Variants in CDH12 observed in about 807,000 individuals in gnomAD.
CDH12 encodes the protein cadherin 12.
In CDH12, 41 loss-of-function variants were observed where a neutral mutation model predicts 74.1. The ratio of observed to expected loss-of-function variants is 0.55; its 90% CI spans 0.43 to 0.72. The LOEUF (loss-of-function observed/expected upper bound fraction) is 0.72, where lower values mean the gene tolerates loss of function less well. CDH12 is among the 30% of genes least tolerant of loss of function. The pLI, the probability that CDH12 is intolerant of heterozygous loss-of-function variation, is 0.00. For synonymous variants in CDH12, 399 were observed against 355.0 expected, an observed-to-expected ratio of 1.12 and a Z score of -1.39; for missense variants, 945 against 977.2, an observed-to-expected ratio of 0.97 and a Z score of 0.44.
At chr5:22,315,338 C>T (rs72744804) in intron 3 of CDH12, among the ~76,000 whole-genome samples, 11,099 of 151,666 alleles carry the variant, frequency 0.073, 538 homozygotes, top group South Asian at 0.16. Flanking sequence ...ACAGCAAAAA[C>T]CCTGGAGTCC....
intron 3 of CDH12, among the ~76,000 whole-genome samples, chr5:22,289,730 A>C (rs753786733): frequency 3.3e-5 from 5 of 152,202 alleles, no homozygotes; most frequent in African/African-American, 1.2e-4. Context: ...CAGGCAGCAC[A>C]GCACAAGAGA....
At chr5:22,827,588 T>G (rs1736403623) in intron 1 of CDH12, among the ~76,000 whole-genome samples, 1 of 152,160 alleles carries the variant, frequency 6.6e-6, no homozygotes, top group South Asian at 2.1e-4. Context: ...GAGTCAAACC[T>G]AGGTAGTCTG....
chr5:22,511,095 A>G (rs151017802), intron 1 of CDH12, among the ~76,000 whole-genome samples: 2,668 of 152,152 alleles, frequency 0.018, 81 homozygotes, highest in African/African-American at 0.062. Flanking sequence ...GGGTTTCACC[A>G]TGTTGGCCAA....
At chr5:21,865,856 A>G (rs1751299003) in intron 6 of CDH12, among the ~76,000 whole-genome samples, 1 of 152,160 alleles carries the variant, frequency 6.6e-6, no homozygotes, top group Non-Finnish European at 1.5e-5. Flanking sequence ...TGTACGAATG[A>G]GGCCATGTGA....
intron 4 of CDH12, among the ~76,000 whole-genome samples, chr5:22,142,014 T>C (rs1746827828): frequency 6.6e-6 from 1 of 152,094 alleles, no homozygotes; most frequent in Non-Finnish European, 1.5e-5. Flanking sequence ...ACTTACACAT[T>C]ACTCCTGGGC....
Position 22,561,407 on chromosome 5 carries a change from T to A in CDH12, c.-522-56043A>T, listed in dbSNP as rs376020113. On this transcript the variant is annotated intron_variant, in intron 1 of 14. Coordinates refer to ENST00000382254, the MANE Select transcript of CDH12 (RefSeq NM_004061.5). ...TAACCTAACAATTGATTATAATTCA[T>A]TATAATTTAATTTGAAATAATTATA... is the stretch of plus-strand genomic sequence containing the variant. Among the ~76,000 whole-genome samples, 26 of 152,306 alleles carry A rather than the reference T, an allele frequency of 1.7e-4. No homozygotes were observed. The East Asian group carries it at 4.6e-3, about 27-fold the overall frequency.
At chr5:22,681,894 A>T (rs1459777082) in intron 1 of CDH12, among the ~76,000 whole-genome samples, 1 of 152,082 alleles carries the variant, frequency 6.6e-6, no homozygotes, top group African/African-American at 2.4e-5. Flanking sequence ...ATTTACTTAT[A>T]ATAGTTATCT....
chr5:22,827,431 G>A (rs1038333345), intron 1 of CDH12, among the ~76,000 whole-genome samples: 2 of 152,104 alleles, frequency 1.3e-5, no homozygotes, highest in Admixed American at 1.3e-4. Flanking sequence ...ACATTTATAA[G>A]ACTGTAAAGA....
At chr5:21,929,766 C>T (rs1754751964) in intron 6 of CDH12, among the ~76,000 whole-genome samples, 1 of 152,126 alleles carries the variant, frequency 6.6e-6, no homozygotes, top group African/African-American at 2.4e-5. Context: ...GATTCTCCTG[C>T]CTCAGCCCAT....
chr5:22,242,155 T>C (rs1396134174), intron 3 of CDH12, among the ~76,000 whole-genome samples: 2 of 152,182 alleles, frequency 1.3e-5, no homozygotes, highest in Non-Finnish European at 2.9e-5. Flanking sequence ...GAATATTTTC[T>C]TATATTTGCA....
intron 2 of CDH12, among the ~76,000 whole-genome samples, chr5:22,460,137 T>G (rs1309213660): frequency 6.6e-6 from 1 of 152,192 alleles, no homozygotes; most frequent in Non-Finnish European, 1.5e-5. Flanking sequence ...AATATTAAGT[T>G]TAAAATATCA....
At chr5:22,841,629 C>T (rs1737087745) in intron 1 of CDH12, among the ~76,000 whole-genome samples, 1 of 152,000 alleles carries the variant, frequency 6.6e-6, no homozygotes, top group African/African-American at 2.4e-5. Context: ...GCTGCTCCAA[C>T]ACTGAGGGGA....
intron 1 of CDH12, among the ~76,000 whole-genome samples, chr5:22,661,712 C>G (rs1740358540): frequency 6.6e-6 from 1 of 152,000 alleles, no homozygotes; most frequent in Non-Finnish European, 1.5e-5. Flanking sequence ...CACCATTCCT[C>G]AATTTACAGA....
Position 22,794,055 on chromosome 5 carries a change from C to T in CDH12, c.-523+59003G>A, listed in dbSNP as rs534116245. 5.3e-5 allele frequency among the ~76,000 whole-genome samples: 8 copies of T among 152,240 alleles called. No individual in the cohort carries two copies. The South Asian group carries it at 1.7e-3, about 32-fold the overall frequency. On this transcript the variant is annotated intron_variant, in intron 1 of 14. Transcript: ENST00000382254. Reference sequence around the variant, plus strand: ...TGCTGAAACACTCAGTCTCACTTTCCCTAGTTGCCTTCTACCTCTCAAACC... The same window carrying T: ...TGCTGAAACACTCAGTCTCACTTTCTCTAGTTGCCTTCTACCTCTCAAACC...
chr5:22,759,378 T>C (rs1376361913), intron 1 of CDH12, among the ~76,000 whole-genome samples: 1 of 152,180 alleles, frequency 6.6e-6, no homozygotes, highest in Non-Finnish European at 1.5e-5. Flanking sequence ...AGGAGGTTTT[T>C]TTCCTGTTTT....
chr5:22,628,550 T>A (rs1478282843), intron 1 of CDH12, among the ~76,000 whole-genome samples: 1 of 152,116 alleles, frequency 6.6e-6, no homozygotes, highest in Non-Finnish European at 1.5e-5. Context: ...TTGAAACTAA[T>A]GACAACAAAG....
chr5:22,682,918 T>A (rs1268345643), intron 1 of CDH12, among the ~76,000 whole-genome samples: 1 of 152,148 alleles, frequency 6.6e-6, no homozygotes, highest in African/African-American at 2.4e-5. Flanking sequence ...CCATGCCTAA[T>A]ATCACCCAGT....
chr5:22,652,650 G>A (rs1394690860), intron 1 of CDH12, among the ~76,000 whole-genome samples: 2 of 152,072 alleles, frequency 1.3e-5, no homozygotes, highest in Non-Finnish European at 2.9e-5. Flanking sequence ...CAATTGCAGA[G>A]CAGATATCAA....
At chr5:22,544,802 G>C (rs1040118024) in intron 1 of CDH12, among the ~76,000 whole-genome samples, 1 of 151,434 alleles carries the variant, frequency 6.6e-6, no homozygotes, top group Non-Finnish European at 1.5e-5. Flanking sequence ...GGGTGACAGA[G>C]TGAGACTCTG....
Sources: gnomAD v4.1 joint callset for allele counts (sites outside exome capture counted in the v4.1 genomes callset) on GRCh38, gnomAD v4.1.1 for gene constraint, MANE v1.5 for transcripts, NCBI Gene and HGNC (gene_info 2026-07-23, HGNC 2026-07-21) for gene names.